Variants in TTC14 observed in about 807,000 individuals in gnomAD.
TTC14 encodes tetratricopeptide repeat domain 14.
TTC14 carries 63 observed loss-of-function variants against 79.9 expected under a neutral mutation model. That is an observed-to-expected ratio of 0.79 (90% CI 0.64 to 0.97). TTC14 has a LOEUF of 0.97. Ranked by LOEUF, TTC14 falls within the 50% of genes least tolerant of loss-of-function variation. TTC14 has a pLI of 0.00. For missense variants in TTC14, 895 were observed against 894.0 expected, an observed-to-expected ratio of 1.00 and a Z score of -0.01; for synonymous variants, 335 against 309.6, an observed-to-expected ratio of 1.08 and a Z score of -0.86.
exon 13 of TTC14, chr3:180,617,501 A>G (rs1379597793): frequency 1.5e-6 from 1 of 673,394 alleles, no homozygotes; most frequent in Admixed American, 2.1e-5. Flanking sequence ...CTGACCCTGA[A>G]GACCTTCAAG....
rs773876237 is a variant in TTC14, at chr3:180,604,226, C to T, written c.488C>T (p.Ala163Val). ...MRDIAHLEIT[A>V]LCPLRDVPSH... is the part of the protein sequence containing the mutation. ...GTTTTAAAATACTTCTCATTACAGG[C>T]TCTTTGTCCCTTAAGAGATGTGCCT... Residue 163 changes from alanine to valine, a missense_variant and splice_region_variant, in exon 4 of 12, where the codon GCT becomes GTT. Ala to Val is a moderately conservative substitution (Grantham distance 64, BLOSUM62 0). Transcript: ENST00000296015. The T allele has an allele frequency of 8.1e-6, 13 of 1,611,850 alleles. No individual in the cohort carries two copies. Among genetic ancestry groups the T allele is most frequent in the Non-Finnish European group, 1.1e-5 (13 of 1,178,750 alleles).
chr3:180,605,848 T>C lies in TTC14; in HGVS notation c.929+11T>C, dbSNP rs376576660. ...TTGGGCTTTAAAATGGTATGAAGAC[T>C]GTCTTTCAACAATTGCATTATATCT... is the stretch of plus-strand genomic sequence containing the variant. On this transcript the variant is annotated intron_variant, in intron 7 of 11. Coordinates refer to ENST00000296015, the MANE Select transcript of TTC14 (RefSeq NM_133462.4). 1.1e-5 allele frequency: 17 copies of C among 1,575,034 alleles called. No individual in the cohort carries two copies. In the Middle Eastern group the frequency reaches 5.0e-4, roughly 47 times the overall value.
chr3:180,610,795 A>G lies in TTC14; in HGVS notation c.*253A>G. 1.9e-6 allele frequency: 2 copies of G among 1,047,250 alleles called. No individual in the cohort carries two copies. Among genetic ancestry groups the G allele is most frequent in the Non-Finnish European group, 2.3e-6 (2 of 869,606 alleles). The allele number at this position is 1,047,250 out of a possible 1,614,324, so 64.9% of individuals were successfully genotyped here. On this transcript the variant is annotated 3_prime_UTR_variant, in exon 12 of 12. Coordinates refer to ENST00000296015, the MANE Select transcript of TTC14 (RefSeq NM_133462.4). ...TACTCTTGACAGTTTGAATTTCTTC[A>G]CCTAAAGATAATTCTCTGAAAGTAC...
chr3:180,617,664 T>C (rs1717299969), exon 13 of TTC14: 1 of 398,122 alleles, frequency 2.5e-6, no homozygotes, highest in South Asian at 1.3e-4. Context: ...AATAAGGATA[T>C]AAAGAATATT....
At chr3:180,605,714 T>C in intron 6 of TTC14, 52 bp from the exon 7 acceptor site, 1 of 1,378,416 alleles carries the variant, frequency 7.3e-7, no homozygotes, top group Non-Finnish European at 9.9e-7. Flanking sequence ...TAAGTATAGT[T>C]ACTTAAAAAA....
chr3:180,610,236 T>C lies in TTC14; in HGVS notation c.2007T>C (p.Ser669=), dbSNP rs781737741. The part of the protein sequence containing the change: ...RRWEPGSVRH[S]TSPASSEYSW... ...GGGAACCAGGTTCTGTGAGGCATTC[T>C]ACCTCACCAGCAAGCTCAGAATACT... is the stretch of plus-strand genomic sequence containing the variant. Residue 669 remains serine, a synonymous_variant, in exon 12 of 12, where the codon TCT becomes TCC. Transcript: ENST00000296015. 7 of 1,613,920 alleles carry C rather than the reference T, an allele frequency of 4.3e-6. No individual in the cohort carries two copies. Among genetic ancestry groups the C allele is most frequent in the African/African-American group, 2.7e-5 (2 of 74,940 alleles).
chr3:180,602,311 T>C lies in TTC14; in HGVS notation c.50T>C (p.Leu17Ser). The change falls in exon 1 of 12, where the codon TTG becomes TCG. Residue 17 changes from leucine (L) to serine (S), a missense_variant. Leu to Ser is a moderately radical substitution (Grantham distance 145). Transcript: ENST00000296015. Reference sequence around the variant, plus strand: ...TCGCTAAATTGCCACGGGTCGTCTTTGCTCTCTCTACTTCGGAGCGAACAG... The same window carrying C: ...TCGCTAAATTGCCACGGGTCGTCTTCGCTCTCTCTACTTCGGAGCGAACAG... ...RQSLNCHGSSLLSLLRSEQQD... is the reference protein window; with the variant it reads ...RQSLNCHGSSSLSLLRSEQQD... 1 of 1,614,044 alleles carries C rather than the reference T, an allele frequency of 6.2e-7. No individual in the cohort carries two copies. The highest frequency in any genetic ancestry group is 1.7e-5 in the Admixed American group (1 of 60,038).
downstream of TTC14, chr3:180,614,031 A>G (rs1442181197): frequency 3.0e-6 from 1 of 331,394 alleles, no homozygotes; most frequent in Non-Finnish European, 5.9e-6. Flanking sequence ...ATTTATTTAA[A>G]ATCCAGTTTT....
intron 5 of TTC14, 60 bp downstream of exon 5, chr3:180,604,667 T>G: frequency 1.3e-6 from 2 of 1,526,888 alleles, no homozygotes; most frequent in Non-Finnish European, 1.8e-6. Context: ...GATTGAGGAA[T>G]ACCACATTTT....
Position 180,604,820 on chromosome 3 carries a change from T to C in TTC14, c.702-32T>C, listed in dbSNP as rs772203689. The C allele has an allele frequency of 2.1e-5, 33 of 1,575,968 alleles. 1 individual carries two copies. The highest frequency in any genetic ancestry group is 3.9e-4 in the Middle Eastern group (2 of 5,094). On this transcript the variant is annotated intron_variant, in intron 5 of 11. Coordinates refer to ENST00000296015, the MANE Select transcript of TTC14 (RefSeq NM_133462.4). ...TAGAAATGGAATGTCAAATTAGTCA[T>C]TTTACAATTTTTGTGTTTGTATTTT...
At position 180,602,882 on chromosome 3, in the gene TTC14, C is replaced by A. The variant is rs751048630; in HGVS notation, c.162-9C>A. On this transcript the variant is annotated splice_polypyrimidine_tract_variant and intron_variant, in intron 1 of 11. Coordinates refer to ENST00000296015, the MANE Select transcript of TTC14 (RefSeq NM_133462.4). ...ACCCAATTTTCATATATATTTTTTTCTTTTTAAGAAAAGAGAAGAGAGTTG... is the reference window on the plus strand; with the variant it reads ...ACCCAATTTTCATATATATTTTTTTATTTTTAAGAAAAGAGAAGAGAGTTG... 1.8e-5 allele frequency: 29 copies of A among 1,596,042 alleles called. No individual in the cohort carries two copies. Among genetic ancestry groups the A allele is most frequent in the Non-Finnish European group, 2.5e-5 (29 of 1,175,026 alleles).
intron 5 of TTC14, 28 bp downstream of exon 5, chr3:180,604,635 A>C (rs753390943): frequency 6.3e-7 from 1 of 1,583,296 alleles, no homozygotes; most frequent in Non-Finnish European, 8.6e-7. Context: ...TTTCAACAAC[A>C]GTTCATTACA....
chr3:180,604,639 C>T, intron 5 of TTC14, 32 bp downstream of exon 5: 1 of 1,581,732 alleles, frequency 6.3e-7, no homozygotes, highest in Non-Finnish European at 8.6e-7. Context: ...AACAACAGTT[C>T]ATTACAAAAG....
chr3:180,616,448 T>A lies in TTC14; in HGVS notation c.1775-932T>A. Reference sequence around the variant, plus strand: ...TTTTTAATTAGCTTTCACTTCATGATGAATGTCATGAAAGTTTTTATTTTC... The same window carrying A: ...TTTTTAATTAGCTTTCACTTCATGAAGAATGTCATGAAAGTTTTTATTTTC... On this transcript the variant is annotated intron_variant, in intron 12 of 12. Transcript: ENST00000382584. The A allele has an allele frequency of 1.3e-6, 2 of 1,490,754 alleles. 1 individual carries two copies. Among genetic ancestry groups the A allele is most frequent in the South Asian group, 2.7e-5 (2 of 73,750 alleles). The allele number at this position is 1,490,754 out of a possible 1,614,324, so 92.3% of individuals were successfully genotyped here.
At chr3:180,609,145 G>T (rs1716851372) in intron 11 of TTC14, 1 of 722,256 alleles carries the variant, frequency 1.4e-6, no homozygotes, top group African/African-American at 1.9e-5. Flanking sequence ...GACAAGATGT[G>T]GAGACATTTT....
chr3:180,616,502 AG>A (rs1717248164), intron 12 of TTC14: 1 of 1,517,924 alleles, frequency 6.6e-7, no homozygotes, highest in South Asian at 1.3e-5. Context: ...ATTTAATAGA[AG>A]GTGCTGTATT....
At chr3:180,607,830 C>T (rs976739995) in intron 10 of TTC14, 65 bp downstream of exon 10, 66 of 1,586,998 alleles carry the variant, frequency 4.2e-5, no homozygotes, top group Non-Finnish European at 5.6e-5. Flanking sequence ...TTAATTTTCT[C>T]CTGAGGAAAA....
At chr3:180,614,769 G>C, downstream of TTC14, 1 of 615,888 alleles carries the variant, frequency 1.6e-6, no homozygotes, top group Non-Finnish European at 2.6e-6. Context: ...TAGAGAAAAT[G>C]AGAACGTTCC....
intron 3 of TTC14, chr3:180,603,879 A>C (rs1025484803): frequency 3.6e-6 from 1 of 280,210 alleles, no homozygotes; most frequent in East Asian, 9.5e-5. Flanking sequence ...ATTGGATAAC[A>C]GACAAAATAC....
Sources: allele counts gnomAD v4.1 joint callset, GRCh38; gene constraint gnomAD v4.1.1; transcripts MANE v1.5; gene names NCBI Gene and HGNC (gene_info 2026-07-23, HGNC 2026-07-21).